KREMEN1: variants seen among roughly 807,000 people sequenced by gnomAD.
KREMEN1 encodes the protein kringle containing transmembrane protein 1.
A neutral mutation model predicts 46.5 loss-of-function variants in KREMEN1; 30 were observed. The ratio of observed to expected loss-of-function variants is 0.65; its 90% CI spans 0.48 to 0.88. The LOEUF is 0.88. Among genes scored for constraint, KREMEN1 ranks in the 40% least tolerant of loss-of-function variants. The probability of loss-of-function intolerance (pLI) is 0.00; values close to 1 mark genes in which losing one functional copy is unlikely to be tolerated. For synonymous variants in KREMEN1, 214 were observed against 230.6 expected (o/e 0.93, Z 0.65); for missense variants, 533 against 596.9 (o/e 0.89, Z 1.11).
At chr22:29,134,929 C>T (rs1215579860) in intron 5 of KREMEN1, among the ~76,000 whole-genome samples, 1 of 152,154 alleles carries the variant, frequency 6.6e-6, no homozygotes, top group Non-Finnish European at 1.5e-5. Flanking sequence ...TAGGCTATGG[C>T]TGTTTGTTAC....
In KREMEN1 at chr22:29,141,261, ATGTG is replaced by A. The variant is rs144907162; in HGVS notation, c.1209-669_1209-666del. ...TGTGTGTGTGTGTGTCTGCATGTGCATGTGTGTGTGTGTGTGTCTGTGTCTGTGT... is the reference window on the plus strand; with the variant it reads ...TGTGTGTGTGTGTGTCTGCATGTGCATGTGTGTGTGTGTCTGTGTCTGTGT... On this transcript the variant is annotated intron_variant, in intron 8 of 8. Transcript: ENST00000400335. Among the ~76,000 whole-genome samples the A allele has an allele frequency of 1.8e-4, 26 of 146,554 alleles. No homozygotes were observed. In the South Asian group the frequency reaches 2.0e-3, roughly 11 times the overall value.
intron 8 of KREMEN1, among the ~76,000 whole-genome samples, chr22:29,140,648 AGTCC>A (rs71787726): frequency 0.025 from 3,758 of 152,344 alleles, 152 homozygotes; most frequent in African/African-American, 0.086. Flanking sequence ...CAAATGTGCT[AGTCC>A]CTTACGGAGA....
intron 5 of KREMEN1, among the ~76,000 whole-genome samples, chr22:29,133,542 C>G (rs1307686759): frequency 6.6e-6 from 1 of 152,174 alleles, no homozygotes; most frequent in East Asian, 1.9e-4. Flanking sequence ...CTCAAGCAGT[C>G]CTCCTGCCTT....
chr22:29,119,793 G>T (rs1192134678), intron 3 of KREMEN1, among the ~76,000 whole-genome samples: 1 of 152,206 alleles, frequency 6.6e-6, no homozygotes, highest in Non-Finnish European at 1.5e-5. Context: ...TCAGTGTGGT[G>T]GGCTGAAGAA....
At chr22:29,130,669 A>G (rs2038518339) in intron 5 of KREMEN1, among the ~76,000 whole-genome samples, 1 of 152,186 alleles carries the variant, frequency 6.6e-6, no homozygotes, top group African/African-American at 2.4e-5. Context: ...GGGTTCCGGG[A>G]AGCTGCCTGT....
intron 9 of KREMEN1, among the ~76,000 whole-genome samples, chr22:29,152,700 C>T (rs1362757112): frequency 3.3e-5 from 5 of 152,156 alleles, no homozygotes; most frequent in Admixed American, 2.6e-4. Flanking sequence ...CAAGCACAAC[C>T]TTTCCTTTTT....
intron 5 of KREMEN1, among the ~76,000 whole-genome samples, chr22:29,128,074 TG>T (rs2038474816): frequency 6.6e-6 from 1 of 152,114 alleles, no homozygotes; most frequent in African/African-American, 2.4e-5. Flanking sequence ...TGCCAAGGGC[TG>T]GGGGAAGGGG....
intron 9 of KREMEN1, among the ~76,000 whole-genome samples, chr22:29,156,574 GCACAGGAC>G (rs1450828760): frequency 1.2e-5 from 1 of 84,594 alleles, no homozygotes; most frequent in Non-Finnish European, 2.6e-5. Context: ...AATGCTCTCC[GCACAGGAC>G]GCTGGCTGCC....
intron 9 of KREMEN1, among the ~76,000 whole-genome samples, chr22:29,160,974 C>T (rs1047491478): frequency 1.7e-5 from 2 of 121,076 alleles, no homozygotes; most frequent in African/African-American, 2.5e-5. Context: ...ATCAGTAAAC[C>T]GCTAGCTAGA....
intron 3 of KREMEN1, chr22:29,111,722 G>A (rs1361920181): frequency 6.7e-6 from 1 of 150,042 alleles, no homozygotes; most frequent in Non-Finnish European, 1.5e-5. Flanking sequence ...CTTGGAAAGA[G>A]TTTTTTAGTT....
At chr22:29,078,854 C>T (rs111508840) in intron 1 of KREMEN1, among the ~76,000 whole-genome samples, 190 of 152,358 alleles carry the variant, frequency 1.2e-3, no homozygotes, top group African/African-American at 3.5e-3. Flanking sequence ...GCACCCCCAA[C>T]GCCACTTGGC....
At chr22:29,166,925 C>T (rs575735029) in intron 9 of KREMEN1, 2 of 752,240 alleles carry the variant, frequency 2.7e-6, no homozygotes, top group Admixed American at 2.1e-5. Context: ...AGAGTGAGGC[C>T]CTGTCTCAAA....
rs2037701222 is a variant in KREMEN1, at chr22:29,084,389, G to A, written c.98-9869G>A. 2.0e-5 allele frequency among the ~76,000 whole-genome samples: 3 copies of A among 152,126 alleles called. No individual in the cohort carries two copies. In the South Asian group the frequency reaches 6.2e-4, roughly 31 times the overall value. ...CCCATCTGCTGTTCAAGATGGAGTG[G>A]CTCTGACTCAAATACCTCTATTTTA... On this transcript the variant is annotated intron_variant, in intron 1 of 8. Coordinates refer to ENST00000400335, the MANE Select transcript of KREMEN1 (RefSeq NM_001039570.3).
At chr22:29,152,501 C>T (rs1325488465) in intron 9 of KREMEN1, among the ~76,000 whole-genome samples, 1 of 152,222 alleles carries the variant, frequency 6.6e-6, no homozygotes, top group African/African-American at 2.4e-5. Context: ...CTTAGAAACT[C>T]GCCTTTCTTC....
intron 1 of KREMEN1, among the ~76,000 whole-genome samples, chr22:29,081,025 C>T (rs2037647445): frequency 7.3e-6 from 1 of 137,544 alleles, no homozygotes; most frequent in South Asian, 2.4e-4. Context: ...TTTTAGGGTA[C>T]ATGTGCACAA....
At chr22:29,090,120 T>C (rs1256061879) in intron 1 of KREMEN1, among the ~76,000 whole-genome samples, 1 of 152,252 alleles carries the variant, frequency 6.6e-6, no homozygotes, top group Non-Finnish European at 1.5e-5. Context: ...CACATAGTAT[T>C]GAATAAATAT....
chr22:29,140,955 C>T (rs1365979109), intron 8 of KREMEN1, among the ~76,000 whole-genome samples: 1 of 152,140 alleles, frequency 6.6e-6, no homozygotes, highest in Non-Finnish European at 1.5e-5. Context: ...TAGAGGGGAG[C>T]TCGTTCTAAT....
chr22:29,085,295 T>G (rs540566061), intron 1 of KREMEN1, among the ~76,000 whole-genome samples: 2 of 152,338 alleles, frequency 1.3e-5, no homozygotes, highest in South Asian at 4.1e-4. Context: ...ACTCCCACAA[T>G]TATTAACCAT....
intron 1 of KREMEN1, among the ~76,000 whole-genome samples, chr22:29,078,887 C>T (rs1311057677): frequency 6.6e-6 from 1 of 152,266 alleles, no homozygotes; most frequent in Non-Finnish European, 1.5e-5. Context: ...GGCCGGCTCA[C>T]TGGGCAGCCT....
Sources: gnomAD v4.1 joint callset for allele counts (sites outside exome capture counted in the v4.1 genomes callset) on GRCh38, gnomAD v4.1.1 for gene constraint, MANE v1.5 for transcripts, NCBI Gene and HGNC (gene_info 2026-07-23, HGNC 2026-07-21) for gene names.